Variants in TRPM3 observed in about 807,000 individuals in gnomAD.
TRPM3 encodes the protein long transient receptor potential channel 3.
A neutral mutation model predicts 181.2 loss-of-function variants in TRPM3; 77 were observed. The ratio of observed to expected loss-of-function variants is 0.42; its 90% CI spans 0.35 to 0.51. TRPM3 has a LOEUF of 0.51. Among genes scored for constraint, TRPM3 ranks in the 20% least tolerant of loss-of-function variants. The pLI is 0.01. For synonymous variants in TRPM3, 745 were observed against 796.4 expected, an observed-to-expected ratio of 0.94 and a Z score of 1.09; for missense variants, 1,759 against 2,196.7, an observed-to-expected ratio of 0.80 and a Z score of 3.98.
chr9:70,545,025 A>G (rs904826290), intron 25 of TRPM3, among the ~76,000 whole-genome samples: 2 of 152,222 alleles, frequency 1.3e-5, no homozygotes, highest in Admixed American at 1.3e-4. Context: ...AATAACTTTT[A>G]ATACTCTATA....
At chr9:71,064,341 T>G (rs2061659227) in intron 1 of TRPM3, among the ~76,000 whole-genome samples, 1 of 152,060 alleles carries the variant, frequency 6.6e-6, no homozygotes, top group South Asian at 2.1e-4. Flanking sequence ...AAAATTGACT[T>G]CTATACATTA....
chr9:71,070,076 T>C (rs536605935), intron 1 of TRPM3, among the ~76,000 whole-genome samples: 1 of 152,378 alleles, frequency 6.6e-6, no homozygotes, highest in African/African-American at 2.4e-5. Flanking sequence ...TCTATTTCAC[T>C]AGAACAGTTG....
intron 6 of TRPM3, among the ~76,000 whole-genome samples, chr9:70,791,138 G>A (rs2085290683): frequency 1.3e-5 from 2 of 152,146 alleles, no homozygotes; most frequent in African/African-American, 4.8e-5. Context: ...GACCTTACTT[G>A]TAAATGGGTA....
chr9:70,667,048 A>G (rs1172627781), intron 9 of TRPM3, among the ~76,000 whole-genome samples: 2 of 151,728 alleles, frequency 1.3e-5, no homozygotes, highest in African/African-American at 4.8e-5. Context: ...TAAAGACAGT[A>G]TTGGTGAATT....
intron 25 of TRPM3, among the ~76,000 whole-genome samples, chr9:70,541,146 C>T (rs1292517098): frequency 6.6e-6 from 1 of 152,040 alleles, no homozygotes; most frequent in African/African-American, 2.4e-5. Flanking sequence ...AGAGTCTCTT[C>T]AGGGAAAGAG....
intron 25 of TRPM3, among the ~76,000 whole-genome samples, chr9:70,539,775 A>G (rs188957881): frequency 2.0e-5 from 3 of 152,282 alleles, no homozygotes; most frequent in Admixed American, 6.5e-5. Context: ...TATCTAGCCT[A>G]TGGAGTTTGA....
chr9:71,383,476 C>T (rs1056119091), intron 1 of TRPM3, among the ~76,000 whole-genome samples: 13 of 152,106 alleles, frequency 8.5e-5, no homozygotes, highest in African/African-American at 3.1e-4. Flanking sequence ...TGGGGTATTT[C>T]CTCCCTCAGC....
At chr9:71,194,753 A>G (rs1036782097) in intron 1 of TRPM3, among the ~76,000 whole-genome samples, 5 of 151,964 alleles carry the variant, frequency 3.3e-5, no homozygotes, top group African/African-American at 1.2e-4. Context: ...GTTCCACTAC[A>G]GTACTGAAAG....
At chr9:70,585,726 G>A (rs1013231447) in intron 22 of TRPM3, among the ~76,000 whole-genome samples, 1 of 152,062 alleles carries the variant, frequency 6.6e-6, no homozygotes, top group Non-Finnish European at 1.5e-5. Context: ...CATCCTGCCT[G>A]TTTCCTCCAT....
intron 1 of TRPM3, among the ~76,000 whole-genome samples, chr9:71,027,355 GC>G (rs1257597130): frequency 4.6e-5 from 7 of 152,192 alleles, no homozygotes; most frequent in Non-Finnish European, 1.0e-4. Flanking sequence ...AGGAACGTCT[GC>G]CTACAAAGAT....
At chr9:71,376,007 ATCTGTGTATTATACTG>A (rs1291208505) in intron 1 of TRPM3, among the ~76,000 whole-genome samples, 1 of 152,110 alleles carries the variant, frequency 6.6e-6, no homozygotes, top group Non-Finnish European at 1.5e-5. Flanking sequence ...TCCAAGGTAT[ATCTGTGTATTATACTG>A]TAATAAAACA....
intron 1 of TRPM3, among the ~76,000 whole-genome samples, chr9:71,054,185 G>C (rs986664447): frequency 1.3e-5 from 2 of 152,104 alleles, no homozygotes; most frequent in African/African-American, 4.8e-5. Flanking sequence ...TTGGTCCAAA[G>C]AGGAAGCAGC....
intron 1 of TRPM3, among the ~76,000 whole-genome samples, chr9:70,905,914 T>C (rs1458819525): frequency 6.6e-6 from 1 of 152,100 alleles, no homozygotes; most frequent in East Asian, 1.9e-4. Context: ...TTTTTTACTT[T>C]TTTTGTAGTG....
chr9:71,328,068 T>TA (rs201839952), intron 1 of TRPM3, among the ~76,000 whole-genome samples: 10,433 of 135,546 alleles, frequency 0.077, 514 homozygotes, highest in African/African-American at 0.14. Context: ...TTTTCTGAAT[T>TA]AAAAAAAAAA....
chr9:71,000,423 C>T (rs2097586140), intron 1 of TRPM3, among the ~76,000 whole-genome samples: 1 of 152,118 alleles, frequency 6.6e-6, no homozygotes. Flanking sequence ...CATGGCCAGG[C>T]CTCTGTGGTA....
intron 22 of TRPM3, among the ~76,000 whole-genome samples, chr9:70,585,074 G>C (rs1351837100): frequency 6.6e-6 from 1 of 152,120 alleles, no homozygotes; most frequent in Non-Finnish European, 1.5e-5. Flanking sequence ...TGCTTTCTCT[G>C]CCCCTCCTGC....
intron 1 of TRPM3, among the ~76,000 whole-genome samples, chr9:71,073,893 G>A (rs1233922706): frequency 5.3e-5 from 8 of 152,130 alleles, no homozygotes; most frequent in Non-Finnish European, 1.2e-4. Flanking sequence ...TATTTAAAAA[G>A]CTGGAAAAGC....
At chr9:71,257,535 T>C (rs1017682815) in intron 1 of TRPM3, among the ~76,000 whole-genome samples, 8 of 152,196 alleles carry the variant, frequency 5.3e-5, no homozygotes, top group African/African-American at 1.4e-4. Flanking sequence ...AAACATTATA[T>C]ATGAGATATT....
intron 22 of TRPM3, among the ~76,000 whole-genome samples, chr9:70,560,858 C>A (rs561890153): frequency 6.6e-6 from 1 of 152,156 alleles, no homozygotes; most frequent in East Asian, 1.9e-4. Flanking sequence ...GGGGCAGGCA[C>A]CTCCACCCCA....
Sources: allele counts gnomAD v4.1 joint callset (sites outside exome capture counted in the v4.1 genomes callset), GRCh38; gene constraint gnomAD v4.1.1; transcripts MANE v1.5; gene names NCBI Gene and HGNC (gene_info 2026-07-23, HGNC 2026-07-21).